Variants in CAB39 observed in about 807,000 individuals in gnomAD.
CAB39 encodes the protein calcium-binding protein 39.
Under a neutral mutation model 40.0 loss-of-function variants are expected in CAB39, and 8 were observed. The ratio of observed to expected loss-of-function variants is 0.20; its 90% CI spans 0.12 to 0.36. CAB39 has a LOEUF of 0.36. Ranked by LOEUF, CAB39 falls within the 10% of genes least tolerant of loss-of-function variation. The probability of loss-of-function intolerance (pLI) is 1.00; values close to 1 mark genes in which losing one functional copy is unlikely to be tolerated. For synonymous variants in CAB39, 156 were observed against 141.6 expected, an observed-to-expected ratio of 1.10 and a Z score of -0.72; for missense variants, 270 against 401.1, an observed-to-expected ratio of 0.67 and a Z score of 2.79.
intron 2 of CAB39, among the ~76,000 whole-genome samples, chr2:230,782,278 T>C (rs1183134288): frequency 6.6e-6 from 1 of 152,152 alleles, no homozygotes; most frequent in Non-Finnish European, 1.5e-5. Flanking sequence ...TTGGTAATAT[T>C]TGGATATATT....
chr2:230,737,164 T>G (rs1168016247), intron 1 of CAB39, among the ~76,000 whole-genome samples: 1 of 152,198 alleles, frequency 6.6e-6, no homozygotes, highest in South Asian at 2.1e-4. Context: ...TAGAAAAAAT[T>G]TTTTAAATTG....
At chr2:230,774,619 T>TA (rs1157419521) in intron 2 of CAB39, among the ~76,000 whole-genome samples, 1 of 152,184 alleles carries the variant, frequency 6.6e-6, no homozygotes, top group Non-Finnish European at 1.5e-5. Context: ...TTCCCTTCCT[T>TA]ACGATGAATG....
intron 7 of CAB39, 71 bp downstream of exon 7, chr2:230,814,185 A>G (rs1340388798): frequency 2.5e-6 from 2 of 785,330 alleles, no homozygotes; most frequent in Non-Finnish European, 4.2e-6. Flanking sequence ...GGGGAAAGGG[A>G]GATGTGCAGG....
intron 2 of CAB39, among the ~76,000 whole-genome samples, chr2:230,785,637 G>C (rs1268162309): frequency 6.6e-6 from 1 of 152,078 alleles, no homozygotes; most frequent in Non-Finnish European, 1.5e-5. Context: ...TTCTGAAAGA[G>C]AAGGGGGCTT....
At chr2:230,715,873 G>A (rs1157536529) in intron 1 of CAB39, among the ~76,000 whole-genome samples, 1 of 152,068 alleles carries the variant, frequency 6.6e-6, no homozygotes, top group African/African-American at 2.4e-5. Flanking sequence ...GCTAATTTTT[G>A]TATTTTTATA....
chr2:230,722,084 T>C (rs890183600), intron 1 of CAB39, among the ~76,000 whole-genome samples: 1 of 151,842 alleles, frequency 6.6e-6, no homozygotes, highest in Non-Finnish European at 1.5e-5. Flanking sequence ...AGTGAGAAAT[T>C]ATATTTTTGA....
chr2:230,772,974 C>T (rs1484261059), intron 2 of CAB39, among the ~76,000 whole-genome samples: 10 of 108,204 alleles, frequency 9.2e-5, no homozygotes, highest in African/African-American at 3.6e-4. Context: ...CAGAGTACTA[C>T]TCAGCAATAA....
intron 2 of CAB39, among the ~76,000 whole-genome samples, chr2:230,773,881 G>A (rs1053728330): frequency 6.6e-6 from 1 of 152,176 alleles, no homozygotes; most frequent in African/African-American, 2.4e-5. Flanking sequence ...TTTTTCAGAA[G>A]ACAGCAAGTT....
At chr2:230,745,823 C>T (rs1020768321) in intron 1 of CAB39, among the ~76,000 whole-genome samples, 2 of 152,080 alleles carry the variant, frequency 1.3e-5, no homozygotes, top group African/African-American at 4.8e-5. Context: ...GACGGGGTTT[C>T]ACCATGTTGG....
intron 1 of CAB39, among the ~76,000 whole-genome samples, chr2:230,755,989 C>T (rs773107242): frequency 1.1e-4 from 16 of 152,188 alleles, no homozygotes; most frequent in Non-Finnish European, 1.8e-4. Flanking sequence ...GGTCACAGAG[C>T]ACTCTGAATG....
chr2:230,803,959 G>C (rs1428454620), intron 5 of CAB39, among the ~76,000 whole-genome samples: 1 of 152,154 alleles, frequency 6.6e-6, no homozygotes, highest in African/African-American at 2.4e-5. Flanking sequence ...TAAGCACAAA[G>C]AACAAAGCTG....
Position 230,790,864 on chromosome 2 carries a change from A to G in CAB39, c.115-8A>G, listed in dbSNP as rs1462127869. The G allele has an allele frequency of 1.9e-6, 3 of 1,593,044 alleles. No homozygotes were observed. The highest frequency in any genetic ancestry group is 2.2e-5 in the East Asian group (1 of 44,802). On this transcript the variant is annotated splice_polypyrimidine_tract_variant and splice_region_variant and intron_variant, in intron 2 of 8. Coordinates refer to ENST00000258418, the MANE Select transcript of CAB39 (RefSeq NM_016289.4). Reference sequence around the variant, plus strand: ...TCTCCTCTTCCCAACTCCTCTCTCTAAAATTAGGCTACAGAAGAAGTTTCC... The same window carrying G: ...TCTCCTCTTCCCAACTCCTCTCTCTGAAATTAGGCTACAGAAGAAGTTTCC...
chr2:230,748,822 AAAAAAAAAAATATAT>A (rs1559596881), intron 1 of CAB39, among the ~76,000 whole-genome samples: 4 of 69,936 alleles, frequency 5.7e-5, no homozygotes, highest in African/African-American at 2.6e-4. Context: ...AGAAAAAAAA[AAAAAAAAAAATATAT>A]ATATATATAT....
chr2:230,809,482 C>G (rs372631347), intron 5 of CAB39, among the ~76,000 whole-genome samples: 1 of 152,200 alleles, frequency 6.6e-6, no homozygotes. Context: ...TTCCCATTCT[C>G]TTTCCCACCC....
Position 230,729,989 on chromosome 2 carries a change from G to A in CAB39, c.-44+16759G>A, listed in dbSNP as rs73111544. ...TCCAGGTTGAATCAGTGTAGTATTG[G>A]CCAGAGAATACTGTCAGATATTTTA... On this transcript the variant is annotated intron_variant, in intron 1 of 8. Coordinates refer to ENST00000258418, the MANE Select transcript of CAB39 (RefSeq NM_016289.4). 5.6e-3 allele frequency among the ~76,000 whole-genome samples: 854 copies of A among 152,188 alleles called. 7 individuals are homozygous for A. Among genetic ancestry groups the A allele is most frequent in the African/African-American group, 0.019 (803 of 41,510 alleles).
At chr2:230,751,384 T>G (rs1695083343) in intron 1 of CAB39, among the ~76,000 whole-genome samples, 1 of 152,226 alleles carries the variant, frequency 6.6e-6, no homozygotes, top group Non-Finnish European at 1.5e-5. Context: ...TCTTGATGCC[T>G]TAAGTTTGTG....
chr2:230,791,901 AT>A (rs1695898858), intron 3 of CAB39, among the ~76,000 whole-genome samples: 1 of 152,204 alleles, frequency 6.6e-6, no homozygotes, highest in South Asian at 2.1e-4. Flanking sequence ...TGGCATGGCC[AT>A]GCCTCTTTAA....
intron 1 of CAB39, among the ~76,000 whole-genome samples, chr2:230,749,878 G>A (rs547665971): frequency 1.6e-4 from 24 of 152,184 alleles, no homozygotes; most frequent in Middle Eastern, 3.2e-3. Context: ...ATTGATTGTA[G>A]TATGAAAGAT....
intron 1 of CAB39, among the ~76,000 whole-genome samples, chr2:230,751,713 G>A (rs1381480667): frequency 6.6e-6 from 1 of 152,030 alleles, no homozygotes; most frequent in East Asian, 1.9e-4. Context: ...TGATGTCTTT[G>A]TTCTTTGTAA....
Sources: gnomAD v4.1 joint callset for allele counts (sites outside exome capture counted in the v4.1 genomes callset) on GRCh38, gnomAD v4.1.1 for gene constraint, MANE v1.5 for transcripts, NCBI Gene and HGNC (gene_info 2026-07-23, HGNC 2026-07-21) for gene names.